Variants in LRRFIP1 observed in about 807,000 individuals in gnomAD.
LRRFIP1 encodes LRR binding FLII interacting protein 1, also known as leucine-rich repeat flightless-interacting protein 1.
In LRRFIP1, 62 loss-of-function variants were observed where a neutral mutation model predicts 104.4. The ratio of observed to expected loss-of-function variants is 0.59; its 90% CI spans 0.48 to 0.73. The LOEUF is 0.73. Among genes scored for constraint, LRRFIP1 ranks in the 30% least tolerant of loss-of-function variants. The pLI is 0.00. For missense variants in LRRFIP1, 796 were observed against 824.5 expected (o/e 0.97, Z 0.42); for synonymous variants, 300 against 299.0 (o/e 1.00, Z -0.03).
rs545544274 is a variant in LRRFIP1, at chr2:237,696,014, A to G, written c.97-12530A>G. ...ACACCTGGCAACAGAAATTATATGT[A>G]TTCCGAGACTCATTCATTCATTTTG... On this transcript the variant is annotated intron_variant, in intron 1 of 23. Coordinates refer to ENST00000308482, the MANE Select transcript of LRRFIP1 (RefSeq NM_001137550.2). 3.4e-5 allele frequency among the ~76,000 whole-genome samples: 5 copies of G among 146,742 alleles called. No individual in the cohort carries two copies. The South Asian group carries it at 1.1e-3, about 32-fold the overall frequency.
intron 11 of LRRFIP1, among the ~76,000 whole-genome samples, chr2:237,740,607 T>G (rs1286772934): frequency 6.6e-6 from 1 of 152,158 alleles, no homozygotes; most frequent in African/African-American, 2.4e-5. Flanking sequence ...GGCGGGCTTT[T>G]CCTATTGTGG....
Position 237,691,930 on chromosome 2 carries a change from A to T in LRRFIP1, c.97-16614A>T, listed in dbSNP as rs1575518833. On this transcript the variant is annotated intron_variant, in intron 1 of 23. Transcript: ENST00000308482. This position sits in a 1 kb window ranked among gnomAD's most constrained non-coding sequence, Gnocchi z 5.4. ...CGGGGGGCGGGGCGGGGCTCGCGTT[A>T]AGGGAGCGCGGAAGGGCGGGACAGG... 8.2e-6 allele frequency among the ~76,000 whole-genome samples: 1 copy of T among 122,500 alleles called. No homozygotes were observed. Among genetic ancestry groups the T allele is most frequent in the South Asian group, 3.0e-4 (1 of 3,350 alleles). The allele number at this position is 122,500 out of a possible 152,430, so 80.4% of individuals were successfully genotyped here.
Position 237,711,554 on chromosome 2 carries a change from C to T in LRRFIP1, c.184-2705C>T, listed in dbSNP as rs992581511. Reference sequence around the variant, plus strand: ...TCTGCAGTCTCGGCTTCCTCATCACCGATGCCTGCACTTCTTCCCTCACGA... The same window carrying T: ...TCTGCAGTCTCGGCTTCCTCATCACTGATGCCTGCACTTCTTCCCTCACGA... On this transcript the variant is annotated intron_variant, in intron 2 of 23. Transcript: ENST00000308482. The surrounding 1 kb of genome is among the most constrained non-coding windows in gnomAD (Gnocchi z 4.4). Among the ~76,000 whole-genome samples, 4 of 152,214 alleles carry T rather than the reference C, an allele frequency of 2.6e-5. No individual in the cohort carries two copies. The highest frequency in any genetic ancestry group is 6.5e-5 in the Admixed American group (1 of 15,288).
intron 8 of LRRFIP1, among the ~76,000 whole-genome samples, chr2:237,733,518 A>G (rs1018531717): frequency 2.0e-5 from 3 of 152,230 alleles, no homozygotes; most frequent in Non-Finnish European, 2.9e-5. Flanking sequence ...ATGACTAGAA[A>G]TGATCGTGTT....
chr2:237,631,989 G>T (rs1281379681), intron 1 of LRRFIP1, among the ~76,000 whole-genome samples: 1 of 152,212 alleles, frequency 6.6e-6, no homozygotes, highest in Non-Finnish European at 1.5e-5. Flanking sequence ...CATGGCAGGG[G>T]CACTGCTGCC....
chr2:237,725,929 C>T (rs1364975959), intron 7 of LRRFIP1, among the ~76,000 whole-genome samples: 1 of 152,228 alleles, frequency 6.6e-6, no homozygotes, highest in Non-Finnish European at 1.5e-5. Flanking sequence ...TCATACATTT[C>T]TCTTCCTCAT....
At chr2:237,720,654 GC>G (rs751901046) in intron 5 of LRRFIP1, 117 bp from the exon 6 acceptor site, 13 of 805,008 alleles carry the variant, frequency 1.6e-5, no homozygotes, top group Non-Finnish European at 2.8e-5. Context: ...GGGGTGGCTG[GC>G]CCCCTCACTG....
chr2:237,706,649 A>G (rs1306520597), intron 1 of LRRFIP1, among the ~76,000 whole-genome samples: 2 of 152,066 alleles, frequency 1.3e-5, no homozygotes, highest in Non-Finnish European at 1.5e-5. Context: ...TTTGTTTGAG[A>G]CAGGGTCTCA....
intron 9 of LRRFIP1, among the ~76,000 whole-genome samples, chr2:237,734,411 G>A (rs1384077378): frequency 6.6e-6 from 1 of 151,380 alleles, no homozygotes; most frequent in South Asian, 2.1e-4. Flanking sequence ...CTCCTGGGTA[G>A]CTGGGATTAC....
chr2:237,777,036 TA>T lies in LRRFIP1; in HGVS notation c.1813-2377del, dbSNP rs58250582. Among the ~76,000 whole-genome samples the T allele has an allele frequency of 8.9e-3, 1,357 of 151,726 alleles. 24 individuals carry two copies. The highest frequency in any genetic ancestry group is 0.031 in the African/African-American group (1,281 of 41,372). On this transcript the variant is annotated intron_variant, in intron 23 of 23. Coordinates refer to ENST00000308482, the MANE Select transcript of LRRFIP1 (RefSeq NM_001137550.2). ...ACACATGGGGTATTTTTATTTAACT[TA>T]AAAAAAAATTAAAGTTGAACACTAT...
chr2:237,771,902 A>G, intron 20 of LRRFIP1, 179 bp from the exon 21 acceptor site: 2 of 584,202 alleles, frequency 3.4e-6, no homozygotes, highest in Non-Finnish European at 6.1e-6. Context: ...TCAGAGTTAC[A>G]GTGTAATTCA....
At chr2:237,759,345 G>A (rs1177091161) in intron 18 of LRRFIP1, among the ~76,000 whole-genome samples, 2 of 152,150 alleles carry the variant, frequency 1.3e-5, no homozygotes, top group Admixed American at 6.5e-5. Flanking sequence ...GCAGCACTCT[G>A]GGTGGGGGGG....
chr2:237,637,153 T>C (rs1328935788), intron 1 of LRRFIP1, among the ~76,000 whole-genome samples: 2 of 152,180 alleles, frequency 1.3e-5, no homozygotes, highest in African/African-American at 4.8e-5. Context: ...CAAAAAAATA[T>C]GAGATTTTCA....
intron 19 of LRRFIP1, chr2:237,762,776 A>G (rs764206837): frequency 2.5e-6 from 4 of 1,614,218 alleles, no homozygotes; most frequent in African/African-American, 1.3e-5. Flanking sequence ...CTCTGAAGAC[A>G]CTGCCCCATT....
chr2:237,723,507 T>A (rs762624118), intron 6 of LRRFIP1, 41 bp from the exon 7 acceptor site: 2 of 1,609,934 alleles, frequency 1.2e-6, no homozygotes, highest in Non-Finnish European at 1.7e-6. Context: ...GGCAACTCTC[T>A]TTGCTGTTGT....
At chr2:237,775,832 G>A (rs980025792) in intron 23 of LRRFIP1, among the ~76,000 whole-genome samples, 34 of 151,746 alleles carry the variant, frequency 2.2e-4, no homozygotes, top group African/African-American at 8.0e-4. Context: ...GAGTGAGACC[G>A]TTTTTCATTA....
At chr2:237,681,128 A>T (rs1251203446) in intron 1 of LRRFIP1, among the ~76,000 whole-genome samples, 1 of 152,266 alleles carries the variant, frequency 6.6e-6, no homozygotes, top group East Asian at 1.9e-4. Context: ...CAGCTTCTTT[A>T]TTCAAACACA....
In LRRFIP1 at chr2:237,753,885, A is replaced by G. The variant is rs142317494; in HGVS notation, c.1038+406A>G. Among the ~76,000 whole-genome samples, 349 of 151,672 alleles carry G rather than the reference A, an allele frequency of 2.3e-3. 3 individuals are homozygous for G. The highest frequency in any genetic ancestry group is 7.8e-3 in the African/African-American group (323 of 41,348). On this transcript the variant is annotated intron_variant, in intron 15 of 23. Coordinates refer to ENST00000308482, the MANE Select transcript of LRRFIP1 (RefSeq NM_001137550.2). ...GGATATATCGTGTGTATGTATGTAT[A>G]TATAATGTATAATTTACATTATGTA...
intron 3 of LRRFIP1, among the ~76,000 whole-genome samples, chr2:237,716,761 A>C (rs2094345448): frequency 6.6e-6 from 1 of 152,184 alleles, no homozygotes; most frequent in Non-Finnish European, 1.5e-5. Flanking sequence ...TAAAAAGGAG[A>C]GAAGCAAAAC....
Sources: allele counts gnomAD v4.1 joint callset (sites outside exome capture counted in the v4.1 genomes callset), GRCh38; gene constraint gnomAD v4.1.1; non-coding constraint Gnocchi (gnomAD v3.1); transcripts MANE v1.5; gene names NCBI Gene and HGNC (gene_info 2026-07-23, HGNC 2026-07-21).